ACCSL: variants seen among roughly 807,000 people sequenced by gnomAD.
ACCSL encodes 1-aminocyclopropane-1-carboxylate synthase homolog (inactive) like.
A neutral mutation model predicts 61.7 loss-of-function variants in ACCSL; 55 were observed. The ratio of observed to expected loss-of-function variants is 0.89; its 90% CI spans 0.72 to 1.12. ACCSL has a LOEUF of 1.12. ACCSL is among the 50% of genes most tolerant of loss of function. The probability of loss-of-function intolerance (pLI) is 0.00; values close to 1 mark genes in which losing one functional copy is unlikely to be tolerated. For missense variants in ACCSL, 632 were observed against 698.0 expected, an observed-to-expected ratio of 0.91 and a Z score of 1.07; for synonymous variants, 258 against 264.3, an observed-to-expected ratio of 0.98 and a Z score of 0.23.
chr11:44,006,499 ATTTTTT>A, the ACCSL span, among the ~76,000 whole-genome samples: 6 of 89,432 alleles, frequency 6.7e-5, no homozygotes, highest in South Asian at 3.9e-4. Flanking sequence ...CCTCTTTGAG[ATTTTTT>A]TTTTTTTTTT....
chr11:43,995,224 A>C, the ACCSL span: 5 of 152,270 alleles, frequency 3.3e-5, 1 homozygote, highest in East Asian at 9.7e-4. Context: ...GACTCTGTGC[A>C]CAGGAAGGTT....
chr11:43,942,831 G>T, the ACCSL span: 2 of 1,111,540 alleles, frequency 1.8e-6, no homozygotes, highest in Middle Eastern at 3.7e-4. Flanking sequence ...GCCTCCCGGG[G>T]GGCCCCGGCG....
At chr11:44,023,527 C>T in the ACCSL span, among the ~76,000 whole-genome samples, 2 of 151,722 alleles carry the variant, frequency 1.3e-5, no homozygotes, top group East Asian at 3.9e-4. Flanking sequence ...ATTTTTGTAA[C>T]TCGAATTTTT....
At chr11:43,970,349 G>A in the ACCSL span, among the ~76,000 whole-genome samples, 1 of 152,120 alleles carries the variant, frequency 6.6e-6, no homozygotes, top group African/African-American at 2.4e-5. Flanking sequence ...GGGACTACAG[G>A]TGCATGCCAT....
the ACCSL span, among the ~76,000 whole-genome samples, chr11:44,009,451 G>A: frequency 6.6e-6 from 1 of 152,154 alleles, no homozygotes; most frequent in African/African-American, 2.4e-5. Context: ...CAAAACTGGG[G>A]AGAAGAAAAA....
the ACCSL span, among the ~76,000 whole-genome samples, chr11:43,988,549 C>T: frequency 6.6e-6 from 1 of 151,184 alleles, no homozygotes; most frequent in Non-Finnish European, 1.5e-5. Context: ...AGCACACAGG[C>T]CGAATGTTAG....
the ACCSL span, among the ~76,000 whole-genome samples, chr11:44,020,787 A>C: frequency 0.55 from 82,357 of 151,018 alleles, 22,752 homozygotes; most frequent in Admixed American, 0.6. Flanking sequence ...CCCTCCCACC[A>C]TTTCCCCTGA....
At chr11:44,051,091 T>A (rs139186929) in intron 3 of ACCSL, among the ~76,000 whole-genome samples, 6,535 of 152,320 alleles carry the variant, frequency 0.043, 193 homozygotes, top group Non-Finnish European at 0.067. Flanking sequence ...TCCACCCGCC[T>A]TGGCCTCCCA....
chr11:43,985,477 G>T, the ACCSL span, among the ~76,000 whole-genome samples: 1 of 152,156 alleles, frequency 6.6e-6, no homozygotes, highest in African/African-American at 2.4e-5. Context: ...TTCCTTCTCA[G>T]TCTGCACAGT....
the ACCSL span, among the ~76,000 whole-genome samples, chr11:43,963,566 G>C: frequency 6.6e-6 from 1 of 152,158 alleles, no homozygotes; most frequent in Non-Finnish European, 1.5e-5. Flanking sequence ...ATGAAGCAAA[G>C]CTGTCTGCTC....
the ACCSL span, among the ~76,000 whole-genome samples, chr11:43,973,422 CTA>C: frequency 8.9e-6 from 1 of 112,382 alleles, no homozygotes; most frequent in African/African-American, 4.0e-5. Context: ...ATCTATCTAT[CTA>C]TCTATCTATC....
At chr11:43,942,506 G>A in the ACCSL span, 1 of 228,644 alleles carries the variant, frequency 4.4e-6, no homozygotes, top group Non-Finnish European at 9.0e-6. Context: ...TACTTTCCCA[G>A]AGCGGCGGGG....
At chr11:44,020,181 C>G in the ACCSL span, among the ~76,000 whole-genome samples, 1 of 152,122 alleles carries the variant, frequency 6.6e-6, no homozygotes, top group Non-Finnish European at 1.5e-5. Flanking sequence ...GATCTTGTAT[C>G]CTGCAACTTG....
At chr11:44,031,996 A>G in the ACCSL span, among the ~76,000 whole-genome samples, 1 of 152,230 alleles carries the variant, frequency 6.6e-6, no homozygotes, top group African/African-American at 2.4e-5. Flanking sequence ...AGCATCGGTG[A>G]AATGGGACTG....
the ACCSL span, among the ~76,000 whole-genome samples, chr11:43,968,971 G>C: frequency 0.37 from 56,344 of 151,948 alleles, 11,092 homozygotes; most frequent in East Asian, 0.6. Context: ...ACTGCCTACT[G>C]CCCTTAGATT....
chr11:43,986,724 A>G, the ACCSL span, among the ~76,000 whole-genome samples: 1 of 152,214 alleles, frequency 6.6e-6, no homozygotes, highest in African/African-American at 2.4e-5. Context: ...CACCAAAGGC[A>G]TCTCAACGTT....
the ACCSL span, among the ~76,000 whole-genome samples, chr11:44,012,304 G>A: frequency 5.9e-4 from 84 of 142,154 alleles, no homozygotes; most frequent in African/African-American, 2.2e-3. Context: ...TTTTTTTTTT[G>A]AGATAGAGTT....
chr11:44,050,694 G>T, intron 3 of ACCSL, 72 bp downstream of exon 3: 1 of 1,462,804 alleles, frequency 6.8e-7, no homozygotes, highest in South Asian at 1.2e-5. Context: ...AGGATTCAAG[G>T]CACCAAATTC....
the ACCSL span, among the ~76,000 whole-genome samples, chr11:43,940,770 G>C: frequency 6.8e-6 from 1 of 146,070 alleles, no homozygotes; most frequent in East Asian, 2.0e-4. Context: ...TTTGTTCTTC[G>C]AATACACCAA....
Sources: gnomAD v4.1 joint callset for allele counts (sites outside exome capture counted in the v4.1 genomes callset) on GRCh38, gnomAD v4.1.1 for gene constraint, MANE v1.5 for transcripts, NCBI Gene and HGNC (gene_info 2026-07-23, HGNC 2026-07-21) for gene names.